Variants in MAD1L1 observed in about 807,000 individuals in gnomAD.
MAD1L1 encodes the protein mitotic arrest deficient 1 like 1.
Under a neutral mutation model 96.9 loss-of-function variants are expected in MAD1L1, and 95 were observed. The observed-to-expected ratio is 0.98, with a 90% CI of 0.83 to 1.16. The LOEUF is 1.16. MAD1L1 is among the 50% of genes most tolerant of loss of function. The pLI is 0.00. For missense variants in MAD1L1, 1,007 were observed against 954.4 expected (o/e 1.06, Z -0.73); for synonymous variants, 473 against 396.6 (o/e 1.19, Z -2.29).
chr7:1,950,148 C>T (rs753496187), intron 16 of MAD1L1, among the ~76,000 whole-genome samples: 3 of 152,324 alleles, frequency 2.0e-5, no homozygotes, highest in South Asian at 2.1e-4. Flanking sequence ...AGGCAGCAGA[C>T]GCAGGGGTCT....
rs115318987 is a variant in MAD1L1, at chr7:1,969,925, T to C, written c.1505+10528A>G. ...AGGGAGAAGAAGACTGCCCACTGTTTACCCGTCAGCGGAGTCAAACCCCCT... is the reference window on the plus strand; with the variant it reads ...AGGGAGAAGAAGACTGCCCACTGTTCACCCGTCAGCGGAGTCAAACCCCCT... On this transcript the variant is annotated intron_variant, in intron 15 of 18. Coordinates refer to ENST00000265854, the MANE Select transcript of MAD1L1 (RefSeq NM_001013836.2). Among the ~76,000 whole-genome samples the C allele has an allele frequency of 1.0e-3, 153 of 152,352 alleles. 1 individual carries two copies. Among genetic ancestry groups the C allele is most frequent in the African/African-American group, 3.4e-3 (142 of 41,590 alleles).
intron 10 of MAD1L1, among the ~76,000 whole-genome samples, chr7:2,180,484 T>C (rs1791151576): frequency 6.6e-6 from 1 of 152,198 alleles, no homozygotes; most frequent in Non-Finnish European, 1.5e-5. Flanking sequence ...TGTCCACAGA[T>C]CACAGAGACT....
At chr7:1,940,190 T>C (rs1349364519) in intron 16 of MAD1L1, 1 of 152,154 alleles carries the variant, frequency 6.6e-6, no homozygotes, top group Non-Finnish European at 1.5e-5. Context: ...TCTGTGCTTC[T>C]CCTGGGAAGG....
chr7:1,854,125 G>A (rs1383058575), intron 18 of MAD1L1, among the ~76,000 whole-genome samples: 4 of 152,094 alleles, frequency 2.6e-5, no homozygotes, highest in East Asian at 1.9e-4. Flanking sequence ...CATCACTCAC[G>A]GGGCTGCCCA....
intron 18 of MAD1L1, among the ~76,000 whole-genome samples, chr7:1,882,911 C>A (rs1459266784): frequency 6.8e-6 from 1 of 147,332 alleles, no homozygotes; most frequent in Non-Finnish European, 1.5e-5. Flanking sequence ...CCCTGCACCA[C>A]AAACGGCCCC....
At chr7:1,870,908 A>G (rs1419221122) in intron 18 of MAD1L1, among the ~76,000 whole-genome samples, 9 of 134,316 alleles carry the variant, frequency 6.7e-5, no homozygotes, top group African/African-American at 2.6e-4. Flanking sequence ...CTACCGTAAC[A>G]CCTGCCACGC....
chr7:2,212,336 C>T (rs928175378), intron 10 of MAD1L1, among the ~76,000 whole-genome samples: 1 of 152,232 alleles, frequency 6.6e-6, no homozygotes, highest in Non-Finnish European at 1.5e-5. Context: ...CGTGAAGAGG[C>T]TGCTACAAGC....
chr7:1,952,309 C>T (rs1779534312), intron 16 of MAD1L1, among the ~76,000 whole-genome samples: 1 of 152,246 alleles, frequency 6.6e-6, no homozygotes, highest in Non-Finnish European at 1.5e-5. Context: ...GCGGCCGACT[C>T]AGCCTCCCCG....
At chr7:2,071,357 A>C (rs1345151119) in intron 11 of MAD1L1, among the ~76,000 whole-genome samples, 1 of 152,266 alleles carries the variant, frequency 6.6e-6, no homozygotes, top group Non-Finnish European at 1.5e-5. Flanking sequence ...CCCCAGCAGA[A>C]GCCACACAAG....
intron 18 of MAD1L1, among the ~76,000 whole-genome samples, chr7:1,817,870 C>T (rs1335875589): frequency 6.6e-6 from 1 of 151,950 alleles, no homozygotes; most frequent in African/African-American, 2.4e-5. Context: ...TGGGCCCCGC[C>T]CTGATGGTGT....
intron 11 of MAD1L1, among the ~76,000 whole-genome samples, chr7:2,098,267 C>T (rs192278925): frequency 6.6e-6 from 1 of 152,330 alleles, no homozygotes; most frequent in Non-Finnish European, 1.5e-5. Flanking sequence ...GCGCCAGTCA[C>T]ACACCAGGCC....
At chr7:2,075,497 T>C (rs1387941442) in intron 11 of MAD1L1, among the ~76,000 whole-genome samples, 1 of 152,152 alleles carries the variant, frequency 6.6e-6, no homozygotes, top group African/African-American at 2.4e-5. Flanking sequence ...AGTTCCATGC[T>C]TGGACTGAAC....
At chr7:2,058,654 G>A (rs138549595) in intron 12 of MAD1L1, among the ~76,000 whole-genome samples, 5,784 of 89,758 alleles carry the variant, frequency 0.064, 370 homozygotes, top group Middle Eastern at 0.17. Context: ...GCTGGAGAGG[G>A]AGTGTGGCCA....
At chr7:1,885,535 G>A (rs1785959429) in intron 18 of MAD1L1, among the ~76,000 whole-genome samples, 1 of 152,182 alleles carries the variant, frequency 6.6e-6, no homozygotes, top group Non-Finnish European at 1.5e-5. Flanking sequence ...TCAGGCGAAT[G>A]TGTGACACGT....
chr7:1,886,403 G>T (rs1013651097), intron 18 of MAD1L1, among the ~76,000 whole-genome samples: 1 of 152,234 alleles, frequency 6.6e-6, no homozygotes, highest in African/African-American at 2.4e-5. Context: ...TGCTTCATCT[G>T]AGAGTGATAA....
chr7:1,835,918 G>A (rs1202492248), intron 18 of MAD1L1, among the ~76,000 whole-genome samples: 1 of 152,218 alleles, frequency 6.6e-6, no homozygotes, highest in African/African-American at 2.4e-5. Flanking sequence ...TCCTGACATT[G>A]CCATGGCATT....
chr7:1,875,050 G>T (rs113953391), intron 18 of MAD1L1, among the ~76,000 whole-genome samples: 2,134 of 152,236 alleles, frequency 0.014, 54 homozygotes, highest in African/African-American at 0.048. Flanking sequence ...ATCAGGACAA[G>T]CTCCCTGTGA....
intron 10 of MAD1L1, among the ~76,000 whole-genome samples, chr7:2,206,700 T>C (rs1484159632): frequency 1.3e-5 from 2 of 152,260 alleles, no homozygotes. Flanking sequence ...TGTCTTGAAA[T>C]TGGCCAGTGT....
intron 15 of MAD1L1, among the ~76,000 whole-genome samples, chr7:1,970,907 G>A (rs747553523): frequency 1.3e-5 from 2 of 152,130 alleles, no homozygotes; most frequent in Admixed American, 6.5e-5. Context: ...GGGTACCACC[G>A]CCCGCCCTTG....
Sources: gnomAD v4.1 joint callset for allele counts (sites outside exome capture counted in the v4.1 genomes callset) on GRCh38, gnomAD v4.1.1 for gene constraint, MANE v1.5 for transcripts, NCBI Gene and HGNC (gene_info 2026-07-23, HGNC 2026-07-21) for gene names.